Variants in ZMIZ1 observed in about 807,000 individuals in gnomAD.
The protein encoded by ZMIZ1 is zinc finger MIZ domain-containing protein 1.
A neutral mutation model predicts 113.9 loss-of-function variants in ZMIZ1; 17 were observed. That is an observed-to-expected ratio of 0.15 (90% CI 0.10 to 0.22). ZMIZ1 has a LOEUF of 0.22. Among genes scored for constraint, ZMIZ1 ranks in the 10% least tolerant of loss-of-function variants. The pLI is 1.00. For synonymous variants in ZMIZ1, 607 were observed against 603.1 expected (o/e 1.01, Z -0.09); for missense variants, 1,059 against 1,477.8 (o/e 0.72, Z 4.65).
At chr10:79,271,062 C>A (rs968256850) in intron 7 of ZMIZ1, among the ~76,000 whole-genome samples, 3 of 152,184 alleles carry the variant, frequency 2.0e-5, no homozygotes, top group African/African-American at 7.2e-5. Context: ...ACTCGATGTC[C>A]TCATTCTACC....
rs147581409 is a variant in ZMIZ1, at chr10:79,075,736, C to G, written c.-337+6466C>G. Among the ~76,000 whole-genome samples, 1,117 of 152,364 alleles carry G rather than the reference C, an allele frequency of 7.3e-3. 11 individuals carry two copies. The highest frequency in any genetic ancestry group is 0.01 in the Non-Finnish European group (703 of 68,028). On this transcript the variant is annotated intron_variant, in intron 1 of 24. Coordinates refer to ENST00000334512, the MANE Select transcript of ZMIZ1 (RefSeq NM_020338.4). ...TCCGTCCTCCCCCACCACTCTTAGC[C>G]AGATACTTGCCCTCTTGGAGCCTCT... is the stretch of plus-strand genomic sequence containing the variant.
intron 1 of ZMIZ1, among the ~76,000 whole-genome samples, chr10:79,093,498 T>C (rs1462215449): frequency 6.6e-6 from 1 of 151,906 alleles, no homozygotes; most frequent in East Asian, 1.9e-4. Context: ...GGGTAATTTT[T>C]GTATTTTTAG....
At position 79,312,835 on chromosome 10, in the gene ZMIZ1, TCAGACCGCCCCGCAC is replaced by T; in HGVS notation, c.*91_*105del. The stretch of plus-strand genomic sequence containing the variant: ...CTTTTCCACCTGGGAGCCTGTGCCC[TCAGACCGCCCCGCAC>T]CAGAGCCACGGGCTGTGGGGCGGGG... On this transcript the variant is annotated 3_prime_UTR_variant, in exon 25 of 25. Coordinates refer to ENST00000334512, the MANE Select transcript of ZMIZ1 (RefSeq NM_020338.4). 1.5e-6 allele frequency: 2 copies of T among 1,345,714 alleles called. No individual in the cohort carries two copies. The highest frequency in any genetic ancestry group is 3.5e-5 in the Admixed American group (2 of 57,198). 83.4% of individuals were successfully genotyped at this position (1,345,714 alleles called of 1,614,324 possible).
chr10:79,238,818 G>T (rs1233198691), intron 7 of ZMIZ1, among the ~76,000 whole-genome samples: 1 of 152,224 alleles, frequency 6.6e-6, no homozygotes, highest in East Asian at 1.9e-4. Flanking sequence ...TGTCAGAAAG[G>T]TCTGGTGGTG....
At chr10:79,098,366 G>T (rs1843243321) in intron 1 of ZMIZ1, among the ~76,000 whole-genome samples, 1 of 152,184 alleles carries the variant, frequency 6.6e-6, no homozygotes, top group Admixed American at 6.5e-5. Context: ...AGCTAGACAG[G>T]CAGGCTCCGA....
At chr10:79,285,861 T>G (rs551145062) in intron 8 of ZMIZ1, among the ~76,000 whole-genome samples, 1 of 152,184 alleles carries the variant, frequency 6.6e-6, no homozygotes, top group Non-Finnish European at 1.5e-5. Flanking sequence ...TGGAAGAGCC[T>G]GGAAAGGATG....
At chr10:79,266,438 A>G (rs1195467911) in intron 7 of ZMIZ1, among the ~76,000 whole-genome samples, 1 of 152,102 alleles carries the variant, frequency 6.6e-6, no homozygotes, top group Non-Finnish European at 1.5e-5. Context: ...GCAGGGTCCT[A>G]ATTGGGTCTT....
intron 4 of ZMIZ1, among the ~76,000 whole-genome samples, chr10:79,168,629 C>T (rs922028219): frequency 3.3e-5 from 5 of 152,138 alleles, no homozygotes; most frequent in African/African-American, 7.2e-5. Context: ...GCTTGTGGGC[C>T]GTATTAAGAA....
rs1036853428 is a variant in ZMIZ1, at chr10:79,296,557, A to G, written c.1317A>G (p.Pro439=). 2 of 1,440,328 alleles carry G rather than the reference A, an allele frequency of 1.4e-6. No individual in the cohort carries two copies. The highest frequency in any genetic ancestry group is 3.2e-5 in the African/African-American group (2 of 61,768). 89.2% of individuals were successfully genotyped at this position (1,440,328 alleles called of 1,614,324 possible). The change falls in exon 13 of 25, where the codon CCA becomes CCG. Residue 439 remains proline (P), a synonymous_variant. Coordinates refer to ENST00000334512, the MANE Select transcript of ZMIZ1 (RefSeq NM_020338.4). The surrounding 1 kb of genome is among the most constrained non-coding windows in gnomAD (Gnocchi z 4.1). ...ACCCAGCCCCCAACCCCCCGAGGCC[A>G]CTCACCTCCCCCAACTACCCAGGAC... ...GQYPAPNPPR[P]LTSPNYPGQR...
At chr10:79,198,238 G>A (rs956442718) in intron 4 of ZMIZ1, among the ~76,000 whole-genome samples, 5 of 152,068 alleles carry the variant, frequency 3.3e-5, no homozygotes, top group Non-Finnish European at 7.3e-5. Context: ...CAGCCTGGGC[G>A]ACAGACTCTG....
intron 7 of ZMIZ1, among the ~76,000 whole-genome samples, chr10:79,241,322 C>T (rs1849819620): frequency 6.6e-6 from 1 of 152,178 alleles, no homozygotes; most frequent in Non-Finnish European, 1.5e-5. Context: ...CGAGTCTTCA[C>T]TGGACCCCTG....
At chr10:79,209,130 G>A (rs988681125) in intron 6 of ZMIZ1, among the ~76,000 whole-genome samples, 2 of 152,026 alleles carry the variant, frequency 1.3e-5, no homozygotes, top group Admixed American at 6.5e-5. Flanking sequence ...CCCTCCATGG[G>A]CAGGAGTCTG....
intron 4 of ZMIZ1, among the ~76,000 whole-genome samples, chr10:79,164,548 C>T (rs903891157): frequency 6.6e-6 from 1 of 152,112 alleles, no homozygotes; most frequent in African/African-American, 2.4e-5. Context: ...GGGTGATGGG[C>T]CAGTTCTGTC....
intron 1 of ZMIZ1, among the ~76,000 whole-genome samples, chr10:79,114,506 C>CATGT (rs768697744): frequency 3.2e-5 from 3 of 93,192 alleles, no homozygotes; most frequent in African/African-American, 9.3e-5. Context: ...TGTGTGTGTG[C>CATGT]GTGTGTGTGT....
chr10:79,265,128 A>G (rs1257992203), intron 7 of ZMIZ1, among the ~76,000 whole-genome samples: 1 of 152,156 alleles, frequency 6.6e-6, no homozygotes, highest in Non-Finnish European at 1.5e-5. Flanking sequence ...CGAGGCTCCC[A>G]GTTCCCAGCT....
chr10:79,305,397 C>A, intron 20 of ZMIZ1, 136 bp from the exon 21 acceptor site: 2 of 1,214,426 alleles, frequency 1.6e-6, no homozygotes, highest in African/African-American at 1.5e-5. Flanking sequence ...ATCACGCGGT[C>A]AGAGTCCCCC....
At position 79,300,092 on chromosome 10, in the gene ZMIZ1, A is replaced by G. The variant is rs1854187225; in HGVS notation, c.1809-640A>G. ...GATAGCTGGTGTGGGCGTTCAGAAC[A>G]CAGGAGCTGCAACGCTCAGGCAGGA... On this transcript the variant is annotated intron_variant, in intron 16 of 24. Transcript: ENST00000334512. 2.0e-5 allele frequency among the ~76,000 whole-genome samples: 3 copies of G among 152,326 alleles called. No individual in the cohort carries two copies. In the South Asian group the frequency reaches 6.2e-4, roughly 32 times the overall value.
Position 79,208,410 on chromosome 10 carries a change from C to T in ZMIZ1, c.135C>T (p.Phe45=), listed in dbSNP as rs142986921. The change falls in exon 6 of 25, where the codon TTC becomes TTT. Residue 45 remains phenylalanine (F), a synonymous_variant. Coordinates refer to ENST00000334512, the MANE Select transcript of ZMIZ1 (RefSeq NM_020338.4). ...ACTGGTGCGGAGACCCACGGGCCTT[C>T]CAGCGGCCCTTCGAGCAGAGCCTGA... ...LLDWCGDPRA[F]QRPFEQSLMG... The T allele has an allele frequency of 7.7e-5, 125 of 1,614,078 alleles. No homozygotes were observed. The African/African-American group carries it at 1.4e-3, about 18-fold the overall frequency.
chr10:79,256,362 G>A (rs912758335), intron 7 of ZMIZ1, among the ~76,000 whole-genome samples: 1 of 151,982 alleles, frequency 6.6e-6, no homozygotes, highest in African/African-American at 2.4e-5. Flanking sequence ...CCCCACAGTA[G>A]CCTTCCCCAC....
Sources: gnomAD v4.1 joint callset for allele counts (sites outside exome capture counted in the v4.1 genomes callset) on GRCh38, gnomAD v4.1.1 for gene constraint, Gnocchi (gnomAD v3.1) non-coding constraint, MANE v1.5 for transcripts, NCBI Gene and HGNC (gene_info 2026-07-23, HGNC 2026-07-21) for gene names.